The following RBM38 variants were observed in gnomAD, a reference collection of about 807,000 sequenced individuals.
The protein encoded by RBM38 is RNA binding motif protein 38.
Under a neutral mutation model 23.5 loss-of-function variants are expected in RBM38, and 11 were observed. That is an observed-to-expected ratio of 0.47 (90% confidence interval 0.29 to 0.77). The LOEUF (loss-of-function observed/expected upper bound fraction) is 0.77, where lower values mean the gene tolerates loss of function less well. Among genes scored for constraint, RBM38 ranks in the 30% least tolerant of loss-of-function variants. The probability of loss-of-function intolerance (pLI) is 0.08; values close to 1 mark genes in which losing one functional copy is unlikely to be tolerated. For synonymous variants in RBM38, 165 were observed against 166.1 expected (o/e 0.99, Z 0.05); for missense variants, 330 against 351.9 (o/e 0.94, Z 0.50).
chr20:57,392,395 A>G (rs1186496844), intron 1 of RBM38: 1 of 1,512,472 alleles, frequency 6.6e-7, no homozygotes, highest in Admixed American at 2.0e-5. Context: ...CTATCCCCGC[A>G]GGGGATTATT....
At chr20:57,403,386 T>G (rs2067349079) in intron 3 of RBM38, among the ~76,000 whole-genome samples, 1 of 152,182 alleles carries the variant, frequency 6.6e-6, no homozygotes, top group Admixed American at 6.5e-5. Flanking sequence ...TCGTGGCTGC[T>G]TCTACCTTAA....
intron 3 of RBM38, among the ~76,000 whole-genome samples, chr20:57,397,100 C>A (rs894777649): frequency 6.6e-6 from 1 of 152,170 alleles, no homozygotes; most frequent in Non-Finnish European, 1.5e-5. Flanking sequence ...TAAGGCCAGG[C>A]CCAGCCTGTC....
chr20:57,399,108 A>G (rs1177897997), intron 3 of RBM38, among the ~76,000 whole-genome samples: 1 of 152,202 alleles, frequency 6.6e-6, no homozygotes, highest in Admixed American at 6.5e-5. Context: ...GGAGGTCAGC[A>G]TGCCTCAGAA....
At chr20:57,392,833 T>A in intron 2 of RBM38, 56 bp downstream of exon 2, 1 of 1,588,794 alleles carries the variant, frequency 6.3e-7, no homozygotes, top group Non-Finnish European at 8.6e-7. Context: ...TGGGTGTCGG[T>A]ATCTGTCGGG....
At chr20:57,401,892 G>A (rs567900020) in intron 3 of RBM38, among the ~76,000 whole-genome samples, 114 of 152,176 alleles carry the variant, frequency 7.5e-4, no homozygotes, top group South Asian at 1.2e-3. Context: ...TTTCTTCTGG[G>A]TACAGTGGGA....
At chr20:57,401,678 C>A (rs956496930) in intron 3 of RBM38, among the ~76,000 whole-genome samples, 2 of 152,142 alleles carry the variant, frequency 1.3e-5, no homozygotes, top group African/African-American at 4.8e-5. Flanking sequence ...CTGGGTGGAC[C>A]CCTGAGGGGT....
At chr20:57,392,854 C>G (rs1600742753) in intron 2 of RBM38, 77 bp downstream of exon 2, 5 of 1,548,882 alleles carry the variant, frequency 3.2e-6, no homozygotes, top group Admixed American at 1.9e-5. Flanking sequence ...TGGAAAGAGG[C>G]CCCCCCTCCT....
intron 3 of RBM38, 64 bp downstream of exon 3, chr20:57,393,397 C>T: frequency 2.0e-6 from 3 of 1,506,364 alleles, no homozygotes; most frequent in South Asian, 1.1e-5. Flanking sequence ...GGGCCTTGGG[C>T]TTCCTGGGTC....
intron 3 of RBM38, among the ~76,000 whole-genome samples, chr20:57,402,158 G>T (rs2067334896): frequency 6.6e-6 from 1 of 152,064 alleles, no homozygotes; most frequent in Non-Finnish European, 1.5e-5. Context: ...TGTTGGCCAG[G>T]ATGGTCTCAA....
At chr20:57,399,649 G>A (rs1157883012) in intron 3 of RBM38, among the ~76,000 whole-genome samples, 3 of 152,216 alleles carry the variant, frequency 2.0e-5, no homozygotes, top group East Asian at 1.9e-4. Flanking sequence ...GCCCCACAGA[G>A]AGGGCGTTCG....
intron 3 of RBM38, among the ~76,000 whole-genome samples, chr20:57,405,013 C>T (rs2146218445): frequency 6.6e-6 from 1 of 152,324 alleles, no homozygotes; most frequent in Admixed American, 6.5e-5. Flanking sequence ...TGCCCTCATC[C>T]ACTCTTCAGA....
At chr20:57,398,278 G>A (rs71329741) in intron 3 of RBM38, among the ~76,000 whole-genome samples, 7 of 151,592 alleles carry the variant, frequency 4.6e-5, no homozygotes, top group African/African-American at 9.7e-5. Context: ...GTGTGTGTAC[G>A]CACGCACACG....
At chr20:57,393,169 T>C (rs1488076242) in intron 2 of RBM38, 110 bp from the exon 3 acceptor site, 15 of 1,049,702 alleles carry the variant, frequency 1.4e-5, no homozygotes, top group Non-Finnish European at 2.2e-5. Flanking sequence ...AAGCGGATGA[T>C]CCCTTTTGAC....
In RBM38 at chr20:57,391,623, C is replaced by G. The variant is rs1309240083; in HGVS notation, c.42C>G (p.Phe14Leu). Reference sequence around the variant, plus strand: ...CGCCGTGCGCCCCGAGCGCGGGCTTCCCGCGGCCCCTGGCCGCCCCCGGCG... The same window carrying G: ...CGCCGTGCGCCCCGAGCGCGGGCTTGCCGCGGCCCCTGGCCGCCCCCGGCG... Reference protein sequence around the residue: ...QPAPCAPSAGFPRPLAAPGAM... With the variant: ...QPAPCAPSAGLPRPLAAPGAM... Residue 14 changes from phenylalanine to leucine, a missense_variant, in exon 1 of 4, where the codon TTC (phenylalanine) becomes TTG (leucine). This residue lies in a region of RBM38 where 95 missense variants were observed against 111.9 expected (regional missense o/e 0.85). Transcript: ENST00000356208. 1.4e-6 allele frequency: 2 copies of G among 1,440,412 alleles called. No homozygotes were observed. The highest frequency in any genetic ancestry group is 5.0e-5 in the Admixed American group (2 of 40,182). The allele number at this position is 1,440,412 out of a possible 1,614,324, so 89.2% of individuals were successfully genotyped here. A position where few individuals can be genotyped will look rare whatever the true frequency, so the allele number is the denominator to read the frequency against.
intron 3 of RBM38, among the ~76,000 whole-genome samples, chr20:57,398,829 C>G (rs1482066627): frequency 6.6e-6 from 1 of 152,208 alleles, no homozygotes; most frequent in Admixed American, 6.5e-5. Flanking sequence ...GGCCCAAGCT[C>G]GAGCTTTCCT....
intron 1 of RBM38, among the ~76,000 whole-genome samples, 193 bp downstream of exon 1, chr20:57,392,011 G>GACCCCC (rs2067222115): frequency 4.5e-5 from 2 of 44,596 alleles, no homozygotes; most frequent in Middle Eastern, 0.018. Context: ...CCCAGGCCCC[G>GACCCCC]GCCCCCACCC....
chr20:57,405,207 GGTTT>G (rs2067369619), intron 3 of RBM38, among the ~76,000 whole-genome samples: 1 of 152,190 alleles, frequency 6.6e-6, no homozygotes, highest in African/African-American at 2.4e-5. Context: ...CCCCCACTCT[GGTTT>G]ATGGGTTGGT....
At chr20:57,399,878 A>T (rs2146211023) in intron 3 of RBM38, 1 of 456,282 alleles carries the variant, frequency 2.2e-6, no homozygotes, top group East Asian at 6.9e-5. Context: ...GCCCCTGGAG[A>T]GCAGGGAAAG....
At chr20:57,394,796 G>A (rs1371311080) in intron 3 of RBM38, among the ~76,000 whole-genome samples, 1 of 152,216 alleles carries the variant, frequency 6.6e-6, no homozygotes, top group African/African-American at 2.4e-5. Flanking sequence ...CCCACAGCAG[G>A]CGCCTGGGGG....
Sources: allele counts gnomAD v4.1 joint callset (sites outside exome capture counted in the v4.1 genomes callset), GRCh38; gene constraint gnomAD v4.1.1; regional missense constraint gnomAD v4.1.1; transcripts MANE v1.5; gene names NCBI Gene and HGNC (gene_info 2026-07-23, HGNC 2026-07-21).